Variants in TMEM119 observed in about 807,000 individuals in gnomAD.
The protein encoded by TMEM119 is osteoblast induction factor.
For synonymous variants in TMEM119, 182 were observed against 176.4 expected (o/e 1.03, Z -0.25); for missense variants, 410 against 381.0 (o/e 1.08, Z -0.63).
At chr12:108,595,712 G>C (rs2031494967) in intron 1 of TMEM119, among the ~76,000 whole-genome samples, 1 of 151,956 alleles carries the variant, frequency 6.6e-6, no homozygotes, top group African/African-American at 2.4e-5. Flanking sequence ...CACACACTCT[G>C]AGCCAGGAAT....
At position 108,592,031 on chromosome 12, in the gene TMEM119, G is replaced by C. The variant is rs757028521; in HGVS notation, c.353C>G (p.Thr118Ser). ...GGCCGAGGCCTTCTGCTTCTGCCGG[G>C]TGATGACCGCGGCACAGACGATGAA... The part of the protein sequence containing the change: ...LMFIVCAAVI[T>S]RQKQKASAYY... Residue 118 changes from threonine (T) to serine (S), a missense_variant, in exon 2 of 2, where the codon ACC (threonine) becomes AGC (serine). Thr to Ser is a moderately conservative substitution (Grantham distance 58). Coordinates refer to ENST00000392806, the MANE Select transcript of TMEM119 (RefSeq NM_181724.3). The surrounding 1 kb of genome is among the most constrained non-coding windows in gnomAD (Gnocchi z 4.3). 6.2e-7 allele frequency: 1 copy of C among 1,614,182 alleles called. No homozygotes were observed. Among genetic ancestry groups the C allele is most frequent in the Non-Finnish European group, 8.5e-7 (1 of 1,180,022 alleles).
rs553042716 is a variant in TMEM119 at position 108,592,372 on chromosome 12, C to T, written c.12G>A (p.Ala4=). 2.4e-5 allele frequency: 37 copies of T among 1,558,428 alleles called. No homozygotes were observed. Among genetic ancestry groups the T allele is most frequent in the Non-Finnish European group, 2.8e-5 (32 of 1,159,428 alleles). MVS[A]AAPSLLILLL... ...GAAGGATGAGGAGGCTGGGGGCTGC[C>T]GCCGAAACCATGGTGCCCCCAGGAC... is the stretch of plus-strand genomic sequence containing the variant. Residue 4 remains alanine (A), a synonymous_variant, in exon 2 of 2, where the codon GCG becomes GCA. Coordinates refer to ENST00000392806, the MANE Select transcript of TMEM119 (RefSeq NM_181724.3). This position sits in a 1 kb window ranked among gnomAD's most constrained non-coding sequence, Gnocchi z 4.3.
At chr12:108,593,398 C>T (rs911306307) in intron 1 of TMEM119, among the ~76,000 whole-genome samples, 4 of 151,824 alleles carry the variant, frequency 2.6e-5, no homozygotes, top group East Asian at 1.9e-4. Flanking sequence ...GAGCCGAGAT[C>T]GCGCCACTGC....
chr12:108,591,687 C>T lies in TMEM119; in HGVS notation c.697G>A (p.Glu233Lys). 2 of 1,613,970 alleles carry T rather than the reference C, an allele frequency of 1.2e-6. No homozygotes were observed. The highest frequency in any genetic ancestry group is 1.1e-5 in the South Asian group (1 of 91,074). Residue 233 changes from glutamate to lysine, a missense_variant, in exon 2 of 2, where the codon GAG becomes AAG. Glu to Lys is a moderately conservative substitution (Grantham distance 56). Transcript: ENST00000392806. This position sits in a 1 kb window ranked among gnomAD's most constrained non-coding sequence, Gnocchi z 4.2. ...TCAAGGACCCCTGAGCACGGCTCCT[C>T]CTGCGCCTCTGGTGTCTCCACTGGG... ...GVPVETPEAQ[E>K]EPCSGVLEGA...
At chr12:108,593,138 T>A (rs973656981) in intron 1 of TMEM119, among the ~76,000 whole-genome samples, 3 of 152,070 alleles carry the variant, frequency 2.0e-5, no homozygotes, top group African/African-American at 7.2e-5. Flanking sequence ...CAGCTCTACC[T>A]TATTCTGCAA....
rs775273606 is a variant in TMEM119 at position 108,592,060 on chromosome 12, C to G, written c.324G>C (p.Leu108=). 2.9e-5 allele frequency: 47 copies of G among 1,614,072 alleles called. No homozygotes were observed. The highest frequency in any genetic ancestry group is 3.8e-5 in the Non-Finnish European group (45 of 1,180,020). Residue 108 remains leucine, a synonymous_variant, in exon 2 of 2, where the codon CTG becomes CTC. Coordinates refer to ENST00000392806, the MANE Select transcript of TMEM119 (RefSeq NM_181724.3). The surrounding 1 kb of genome is among the most constrained non-coding windows in gnomAD (Gnocchi z 4.3). ...TGACCGCGGCACAGACGATGAACAT[C>G]AGCAGAAAGGCCAGGGAGCCCACCA... ...IAVVGSLAFL[L]MFIVCAAVIT...
At position 108,591,849 on chromosome 12, in the gene TMEM119, C is replaced by A; in HGVS notation, c.535G>T (p.Ala179Ser). 6.2e-7 allele frequency: 1 copy of A among 1,603,310 alleles called. No homozygotes were observed. Among genetic ancestry groups the A allele is most frequent in the South Asian group, 1.1e-5 (1 of 90,328 alleles). The stretch of plus-strand genomic sequence containing the variant: ...GTGGGGGACTTGAGGTTCTGGGTGG[C>A]GGCCAAGATGTCGGCCTGGAGCTGC... ...SRQLQADILA[A>S]TQNLKSPTRA... Residue 179 changes from alanine (A) to serine (S), a missense_variant, in exon 2 of 2, where the codon GCC (alanine) becomes TCC (serine). By Grantham distance (99) the Ala-to-Ser change is moderately conservative. Coordinates refer to ENST00000392806, the MANE Select transcript of TMEM119 (RefSeq NM_181724.3). This position sits in a 1 kb window ranked among gnomAD's most constrained non-coding sequence, Gnocchi z 4.2.
intron 1 of TMEM119, among the ~76,000 whole-genome samples, chr12:108,594,980 C>T (rs141981345): frequency 8.9e-4 from 135 of 152,250 alleles, no homozygotes; most frequent in Middle Eastern, 3.4e-3. Context: ...GTGCTTTCCT[C>T]GCGGGTACTC....
chr12:108,593,039 G>A (rs901701876), intron 1 of TMEM119, among the ~76,000 whole-genome samples: 1 of 152,020 alleles, frequency 6.6e-6, no homozygotes, highest in East Asian at 1.9e-4. Flanking sequence ...TTCCCCTCAG[G>A]GTCTGGCCCC....
intron 1 of TMEM119, among the ~76,000 whole-genome samples, chr12:108,597,568 T>G (rs559623649): frequency 2.0e-5 from 3 of 151,656 alleles, no homozygotes; most frequent in African/African-American, 7.3e-5. Flanking sequence ...TCATGGCCCA[T>G]GCACACAATA....
intron 1 of TMEM119, chr12:108,594,694 C>G (rs925700120): frequency 6.6e-6 from 1 of 152,076 alleles, no homozygotes; most frequent in Non-Finnish European, 1.5e-5. Context: ...GTAATCCCAG[C>G]ACTTTGGGAG....
Position 108,591,573 on chromosome 12 carries a change from C to CG in TMEM119, c.810dup (p.Glu271ArgfsTer23). 6.2e-7 allele frequency: 1 copy of CG among 1,612,170 alleles called. No homozygotes were observed. Among genetic ancestry groups the CG allele is most frequent in the Admixed American group, 1.7e-5 (1 of 59,740 alleles). On this transcript the variant is annotated frameshift_variant, in exon 2 of 2. Transcript: ENST00000392806. LOFTEE classifies it low-confidence loss of function (END_TRUNC). The surrounding 1 kb of genome is among the most constrained non-coding windows in gnomAD (Gnocchi z 4.2). ...ACACTGCTGCAAGCACAGGGGCTTT[C>CG]GGGGGGACCCACTGGTCCCTGGGCT...
At chr12:108,594,534 CAG>C (rs1425960513) in intron 1 of TMEM119, 2 of 69,136 alleles carry the variant, frequency 2.9e-5, no homozygotes, top group Non-Finnish European at 5.2e-5. Flanking sequence ...GCCTGGGTGA[CAG>C]AGCAAGAACC....
Position 108,590,940 on chromosome 12 carries a change from G to A in TMEM119, c.*592C>T, listed in dbSNP as rs1177387552. ...ACTGCTTCACGCCAGGCTGCATGTTGCCTTACGAACGCTGGGCACCTTGGC... is the reference window on the plus strand; with the variant it reads ...ACTGCTTCACGCCAGGCTGCATGTTACCTTACGAACGCTGGGCACCTTGGC... On this transcript the variant is annotated 3_prime_UTR_variant, in exon 2 of 2. Coordinates refer to ENST00000392806, the MANE Select transcript of TMEM119 (RefSeq NM_181724.3). 1 of 152,268 alleles carries A rather than the reference G, an allele frequency of 6.6e-6. No individual in the cohort carries two copies. Among genetic ancestry groups the A allele is most frequent in the Non-Finnish European group, 1.5e-5 (1 of 68,066 alleles). 9.4% of individuals were successfully genotyped at this position (152,268 alleles called of 1,614,324 possible). A position where few individuals can be genotyped will look rare whatever the true frequency, so the allele number is the denominator to read the frequency against.
rs1412535094 is a variant in TMEM119 at position 108,591,738 on chromosome 12, C to T, written c.646G>A (p.Asp216Asn). Reference protein sequence around the residue: ...EEEEKGSQEGDQEVQGHGVPV... With the variant: ...EEEEKGSQEGNQEVQGHGVPV... ...ACCCCATGTCCCTGGACTTCCTGGT[C>T]CCCCTCCTGGCTGCCCTTCTCCTCT... The change falls in exon 2 of 2, where the codon GAC becomes AAC. Residue 216 changes from aspartate to asparagine, a missense_variant. By Grantham distance (23) the Asp-to-Asn change is conservative. Coordinates refer to ENST00000392806, the MANE Select transcript of TMEM119 (RefSeq NM_181724.3). The surrounding 1 kb of genome is among the most constrained non-coding windows in gnomAD (Gnocchi z 4.2). The T allele has an allele frequency of 6.2e-7, 1 of 1,605,570 alleles. No homozygotes were observed. Among genetic ancestry groups the T allele is most frequent in the Admixed American group, 1.7e-5 (1 of 58,956 alleles).
chr12:108,596,409 C>T (rs1285733671), intron 1 of TMEM119, among the ~76,000 whole-genome samples: 2 of 148,186 alleles, frequency 1.3e-5, no homozygotes, highest in African/African-American at 5.0e-5. Context: ...ACACATACAC[C>T]TACACACACA....
rs556974233 is a variant in TMEM119 at position 108,592,471 on chromosome 12, C to T, written c.-14-74G>A. The T allele has an allele frequency of 1.7e-5, 25 of 1,437,252 alleles. No homozygotes were observed. The highest frequency in any genetic ancestry group is 1.3e-4 in the African/African-American group (9 of 70,060). The allele number at this position is 1,437,252 out of a possible 1,614,324, so 89.0% of individuals were successfully genotyped here. A position where few individuals can be genotyped will look rare whatever the true frequency, so the allele number is the denominator to read the frequency against. On this transcript the variant is annotated intron_variant, in intron 1 of 1. Transcript: ENST00000392806. This position sits in a 1 kb window ranked among gnomAD's most constrained non-coding sequence, Gnocchi z 4.3. The stretch of plus-strand genomic sequence containing the variant: ...CAGGATTCAGAAACAGGCTCACCAG[C>T]CCCCAGGAGGAACAGGGAGCATGAA...
At position 108,591,922 on chromosome 12, in the gene TMEM119, G is replaced by A. The variant is rs552273323; in HGVS notation, c.462C>T (p.Pro154=). 60 of 1,613,068 alleles carry A rather than the reference G, an allele frequency of 3.7e-5. No homozygotes were observed. The highest frequency in any genetic ancestry group is 3.2e-4 in the South Asian group (29 of 91,042). The change falls in exon 2 of 2, where the codon CCC becomes CCT. Residue 154 remains proline, a synonymous_variant. Transcript: ENST00000392806. The surrounding 1 kb of genome is among the most constrained non-coding windows in gnomAD (Gnocchi z 4.2). ...CGGGCCTGCTGTCGGGGGCTCTGTC[G>A]GGGACCTCACTGAAGGCCCGGGGGC... is the stretch of plus-strand genomic sequence containing the variant. ...AGGPRAFSEV[P]DRAPDSRPEE...
In TMEM119 at chr12:108,591,724, C is replaced by T. The variant is rs553266784; in HGVS notation, c.660G>A (p.Gln220=). ...GTGTCTCCACTGGGACCCCATGTCCCTGGACTTCCTGGTCCCCCTCCTGGC... is the reference window on the plus strand; with the variant it reads ...GTGTCTCCACTGGGACCCCATGTCCTTGGACTTCCTGGTCCCCCTCCTGGC... The part of the protein sequence containing the change: ...KGSQEGDQEV[Q]GHGVPVETPE... Residue 220 remains glutamine (Q), a synonymous_variant, in exon 2 of 2, where the codon CAG becomes CAA. Transcript: ENST00000392806. The surrounding 1 kb of genome is among the most constrained non-coding windows in gnomAD (Gnocchi z 4.2). 3 of 1,608,900 alleles carry T rather than the reference C, an allele frequency of 1.9e-6. No individual in the cohort carries two copies. The highest frequency in any genetic ancestry group is 1.7e-4 in the Middle Eastern group (1 of 6,024).
Sources: gnomAD v4.1 joint callset for allele counts (sites outside exome capture counted in the v4.1 genomes callset) on GRCh38, gnomAD v4.1.1 for gene constraint, Gnocchi (gnomAD v3.1) non-coding constraint, MANE v1.5 for transcripts, NCBI Gene and HGNC (gene_info 2026-07-23, HGNC 2026-07-21) for gene names.